Variants in OLFM1 observed in about 807,000 individuals in gnomAD.
The protein encoded by OLFM1 is noelin.
OLFM1 carries 9 observed loss-of-function variants against 49.7 expected under a neutral mutation model. That is an observed-to-expected ratio of 0.18 (90% CI 0.11 to 0.32). The LOEUF (loss-of-function observed/expected upper bound fraction) is 0.32, where lower values mean the gene tolerates loss of function less well. Ranked by LOEUF, OLFM1 falls within the 10% of genes least tolerant of loss-of-function variation. The pLI is 1.00. For missense variants in OLFM1, 369 were observed against 661.8 expected (o/e 0.56, Z 4.85); for synonymous variants, 240 against 271.8 (o/e 0.88, Z 1.15).
chr9:135,087,837 CGGCGGCGGCGGCGGGCG>C lies in OLFM1; in HGVS notation c.-141_-125del. On this transcript the variant is annotated 5_prime_UTR_variant, in exon 1 of 6. An upstream open reading frame in the 5' UTR loses its in-frame stop. Transcript: ENST00000371793. The stretch of plus-strand genomic sequence containing the variant: ...GCGGCGATGGCCGGGGCGCGCGGGG[CGGCGGCGGCGGCGGGCG>C]GGCGGCGGCGGGCCGAGGGGGCGCG... The C allele has an allele frequency of 1.2e-6, 1 of 868,466 alleles. No individual in the cohort carries two copies. The highest frequency in any genetic ancestry group is 1.4e-6 in the Non-Finnish European group (1 of 726,318). The allele number at this position is 868,466 out of a possible 1,614,324, so 53.8% of individuals were successfully genotyped here.
At chr9:135,078,396 T>A (rs1218577199) in intron 1 of OLFM1, among the ~76,000 whole-genome samples, 3 of 152,216 alleles carry the variant, frequency 2.0e-5, no homozygotes, top group Admixed American at 1.3e-4. Context: ...AAATGCTGCC[T>A]GGAGGATTCA....
exon 1 of OLFM1, chr9:135,075,526 C>A (rs1830450385): frequency 2.4e-6 from 1 of 414,872 alleles, no homozygotes; most frequent in South Asian, 5.2e-5. Flanking sequence ...AACCGGGACG[C>A]GATAAATATG....
chr9:135,111,802 C>T (rs770137887), intron 5 of OLFM1, among the ~76,000 whole-genome samples: 1 of 152,282 alleles, frequency 6.6e-6, no homozygotes, highest in Non-Finnish European at 1.5e-5. Context: ...CTCCGCCTCC[C>T]GAATTGAAGC....
chr9:135,107,111 A>G (rs2119130525), intron 5 of OLFM1, among the ~76,000 whole-genome samples: 1 of 152,132 alleles, frequency 6.6e-6, no homozygotes, highest in Non-Finnish European at 1.5e-5. Flanking sequence ...AGACCCCTTC[A>G]AGGCCTCCTC....
chr9:135,098,100 C>T lies in OLFM1; in HGVS notation c.457-186C>T. 2 of 1,431,974 alleles carry T rather than the reference C, an allele frequency of 1.4e-6. No individual in the cohort carries two copies. The highest frequency in any genetic ancestry group is 1.5e-5 in the South Asian group (1 of 64,798). The allele number at this position is 1,431,974 out of a possible 1,614,324, so 88.7% of individuals were successfully genotyped here. Reference sequence around the variant, plus strand: ...TCTAAACTGACAATAAAGACCTTTCCCAAATATGCTGGTGTTCTGAGGACT... The same window carrying T: ...TCTAAACTGACAATAAAGACCTTTCTCAAATATGCTGGTGTTCTGAGGACT... On this transcript the variant is annotated intron_variant, in intron 3 of 5. Coordinates refer to ENST00000371793, the MANE Select transcript of OLFM1 (RefSeq NM_001282611.2). The surrounding 1 kb of genome is among the most constrained non-coding windows in gnomAD (Gnocchi z 5.6).
chr9:135,104,599 C>T (rs1220883060), intron 4 of OLFM1, among the ~76,000 whole-genome samples: 1 of 152,146 alleles, frequency 6.6e-6, no homozygotes. Flanking sequence ...ACTAACAGAA[C>T]CACGGCGTGG....
At position 135,106,739 on chromosome 9, in the gene OLFM1, T is replaced by C; in HGVS notation, c.677-10T>C. ...GCCCTCCCTCTCCTGACCTGCGTGC[T>C]CTTTTCCAGCTTGCGGGAAGTTGAC... On this transcript the variant is annotated splice_polypyrimidine_tract_variant and intron_variant, in intron 4 of 5. Coordinates refer to ENST00000371793, the MANE Select transcript of OLFM1 (RefSeq NM_001282611.2). The C allele has an allele frequency of 1.2e-6, 2 of 1,612,424 alleles. No individual in the cohort carries two copies. Among genetic ancestry groups the C allele is most frequent in the South Asian group, 2.2e-5 (2 of 90,880 alleles).
intron 3 of OLFM1, among the ~76,000 whole-genome samples, chr9:135,097,424 T>C (rs1463927456): frequency 6.6e-6 from 1 of 152,206 alleles, no homozygotes; most frequent in African/African-American, 2.4e-5. Flanking sequence ...CTCCCTTCTC[T>C]GCGGCCAGCA....
At chr9:135,086,498 G>T (rs1472074764), upstream of OLFM1, 2 of 390,808 alleles carry the variant, frequency 5.1e-6, no homozygotes, top group African/African-American at 2.1e-5. Context: ...CCCGGCGTCC[G>T]TCTTTCAAAT....
At chr9:135,108,444 G>A (rs746936276) in intron 5 of OLFM1, among the ~76,000 whole-genome samples, 1 of 151,944 alleles carries the variant, frequency 6.6e-6, no homozygotes, top group Admixed American at 6.6e-5. Context: ...GACCATCCTG[G>A]CCAACAAGGT....
chr9:135,090,390 G>GTTTT, intron 2 of OLFM1, 46 bp downstream of exon 2: 2 of 411,212 alleles, frequency 4.9e-6, no homozygotes, highest in East Asian at 4.5e-5. Flanking sequence ...GTGTGTTTGT[G>GTTTT]TGTGTGTGTG....
At chr9:135,076,445 C>G in intron 1 of OLFM1, 1 of 1,441,208 alleles carries the variant, frequency 6.9e-7, no homozygotes, top group South Asian at 1.5e-5. Flanking sequence ...GCATTTCAAA[C>G]GGGCTTGTCG....
intron 1 of OLFM1, among the ~76,000 whole-genome samples, chr9:135,089,931 A>T (rs889504473): frequency 1.3e-5 from 2 of 152,168 alleles, no homozygotes; most frequent in African/African-American, 4.8e-5. Flanking sequence ...ACATCCCTTG[A>T]GTTGAACTTA....
At chr9:135,110,791 C>T (rs565249001) in intron 5 of OLFM1, among the ~76,000 whole-genome samples, 4 of 152,188 alleles carry the variant, frequency 2.6e-5, no homozygotes, top group Admixed American at 1.3e-4. Flanking sequence ...AGCTACGGGC[C>T]GCTTTAGAGT....
chr9:135,075,736 C>T, exon 1 of OLFM1: 5 of 1,604,780 alleles, frequency 3.1e-6, no homozygotes, highest in Non-Finnish European at 4.2e-6. Flanking sequence ...GGCAGCGAGA[C>T]ATGCACCCGG....
intron 3 of OLFM1, among the ~76,000 whole-genome samples, chr9:135,096,283 C>T (rs1047179739): frequency 7.1e-6 from 1 of 141,470 alleles, no homozygotes; most frequent in African/African-American, 2.7e-5. Flanking sequence ...TCCTCTTCCC[C>T]CTCATCCTCT....
chr9:135,084,428 C>T (rs1830571207), upstream of OLFM1, among the ~76,000 whole-genome samples: 1 of 115,444 alleles, frequency 8.7e-6, no homozygotes, highest in South Asian at 2.9e-4. This position sits in a 1 kb window ranked among gnomAD's most constrained non-coding sequence, Gnocchi z 4.6. Context: ...TCTGTCTCTC[C>T]TCTCTGTCTC....
At chr9:135,112,758 G>T (rs148564631) in intron 5 of OLFM1, among the ~76,000 whole-genome samples, 198 of 152,330 alleles carry the variant, frequency 1.3e-3, no homozygotes, top group Admixed American at 3.5e-3. Context: ...TGGGAGGATG[G>T]CGGCGTGAGA....
intron 1 of OLFM1, among the ~76,000 whole-genome samples, chr9:135,079,772 C>T (rs1251596079): frequency 6.6e-6 from 1 of 152,164 alleles, no homozygotes; most frequent in Non-Finnish European, 1.5e-5. Flanking sequence ...CACGCATCCC[C>T]AGGCCGGGCC....
Sources: allele counts gnomAD v4.1 joint callset (sites outside exome capture counted in the v4.1 genomes callset), GRCh38; gene constraint gnomAD v4.1.1; non-coding constraint Gnocchi (gnomAD v3.1); transcripts MANE v1.5; gene names NCBI Gene and HGNC (gene_info 2026-07-23, HGNC 2026-07-21).